Variants in PLEKHG1 observed in about 807,000 individuals in gnomAD.
The protein encoded by PLEKHG1 is pleckstrin homology and RhoGEF domain containing G1, also known as pleckstrin homology domain-containing family G member 1.
PLEKHG1 carries 44 observed loss-of-function variants against 100.8 expected under a neutral mutation model. The ratio of observed to expected loss-of-function variants is 0.44; its 90% confidence interval spans 0.34 to 0.56. The LOEUF (loss-of-function observed/expected upper bound fraction) is 0.56. Ranked by LOEUF, PLEKHG1 falls within the 20% of genes least tolerant of loss-of-function variation. The probability of loss-of-function intolerance (pLI) is 0.01; values close to 1 mark genes in which losing one functional copy is unlikely to be tolerated. For missense variants in PLEKHG1, 1,545 were observed against 1,720.9 expected (o/e 0.90, Z 1.81); for synonymous variants, 640 against 662.5 (o/e 0.97, Z 0.52).
intron 1 of PLEKHG1, among the ~76,000 whole-genome samples, chr6:150,626,275 G>A (rs9480500): frequency 0.016 from 2,463 of 152,236 alleles, 64 homozygotes; most frequent in African/African-American, 0.052. Flanking sequence ...GAGATACTAA[G>A]GCACTGTAGA....
At chr6:150,808,432 T>C (rs868677491) in intron 7 of PLEKHG1, among the ~76,000 whole-genome samples, 9 of 150,734 alleles carry the variant, frequency 6.0e-5, no homozygotes, top group Middle Eastern at 3.4e-3. Flanking sequence ...TTTTTTTTTT[T>C]CCCAGAGAGG....
At chr6:150,690,351 A>C (rs559364556) in intron 3 of PLEKHG1, among the ~76,000 whole-genome samples, 1 of 151,916 alleles carries the variant, frequency 6.6e-6, no homozygotes, top group South Asian at 2.1e-4. Flanking sequence ...GGCCCCACCA[A>C]CATCGTTACT....
Position 150,706,660 on chromosome 6 carries a change from C to T in PLEKHG1, c.-98-26924C>T, listed in dbSNP as rs905214641. ...AAAAACAAAACAGGAACTATGACACCAGTTATCTGTTTGGTTTGGCAGAAT... is the reference window on the plus strand; with the variant it reads ...AAAAACAAAACAGGAACTATGACACTAGTTATCTGTTTGGTTTGGCAGAAT... On this transcript the variant is annotated intron_variant, in intron 3 of 3. Coordinates refer to the PLEKHG1 transcript ENST00000367326. 1.9e-4 allele frequency among the ~76,000 whole-genome samples: 28 copies of T among 151,308 alleles called. 1 individual carries two copies. The highest frequency in any genetic ancestry group is 6.5e-4 in the African/African-American group (27 of 41,306).
chr6:150,706,998 CTTTTT>C (rs71014517), intron 3 of PLEKHG1, among the ~76,000 whole-genome samples: 14 of 51,928 alleles, frequency 2.7e-4, no homozygotes, highest in East Asian at 1.3e-3. Context: ...TTTTCTTTTT[CTTTTT>C]TTTTTTTTTT....
chr6:150,604,350 G>C (rs1032989756), intron 1 of PLEKHG1, among the ~76,000 whole-genome samples: 4 of 152,170 alleles, frequency 2.6e-5, no homozygotes, highest in East Asian at 1.9e-4. Context: ...CTAGGTGAGG[G>C]GATGGCAAGT....
Position 150,779,319 on chromosome 6 carries a change from A to C in PLEKHG1, c.513-7071A>C, listed in dbSNP as rs530455138. Among the ~76,000 whole-genome samples the C allele has an allele frequency of 4.1e-5, 6 of 146,112 alleles. No individual in the cohort carries two copies. In the East Asian group the frequency reaches 8.1e-4, roughly 20 times the overall value. Reference sequence around the variant, plus strand: ...GCAATCCGAACATACAATTTAAAACACAGGGGGTTAAATATTGTCAAGAAG... The same window carrying C: ...GCAATCCGAACATACAATTTAAAACCCAGGGGGTTAAATATTGTCAAGAAG... On this transcript the variant is annotated intron_variant, in intron 3 of 15. Coordinates refer to ENST00000358517, the Ensembl canonical transcript of PLEKHG1.
intron 3 of PLEKHG1, among the ~76,000 whole-genome samples, chr6:150,702,338 C>T (rs1362087847): frequency 1.3e-5 from 2 of 152,090 alleles, no homozygotes; most frequent in Non-Finnish European, 2.9e-5. Flanking sequence ...GGTGTGGTAG[C>T]ACATGCCTGT....
At chr6:150,698,455 G>T (rs1211153535) in intron 3 of PLEKHG1, among the ~76,000 whole-genome samples, 1 of 151,464 alleles carries the variant, frequency 6.6e-6, no homozygotes, top group Non-Finnish European at 1.5e-5. Flanking sequence ...CATATAAAGG[G>T]TTTGACTACC....
intron 2 of PLEKHG1, among the ~76,000 whole-genome samples, chr6:150,758,323 A>G (rs920817982): frequency 6.6e-5 from 9 of 137,020 alleles, no homozygotes; most frequent in Non-Finnish European, 1.2e-4. Flanking sequence ...CCTTGCTAGC[A>G]TCTGTTTCTT....
rs147178828 is a variant in PLEKHG1 at position 150,746,951 on chromosome 6, CTT to C, written c.411+12860_411+12861del. 8.2e-3 allele frequency among the ~76,000 whole-genome samples: 1,249 copies of C among 152,326 alleles called. 18 individuals are homozygous for C. The highest frequency in any genetic ancestry group is 0.029 in the African/African-American group (1,186 of 41,578). On this transcript the variant is annotated intron_variant, in intron 2 of 15. Transcript: ENST00000358517. The stretch of plus-strand genomic sequence containing the variant: ...TAACTGCAAAGTTCCTTTTTATTCT[CTT>C]AGGCTTTGCTTTTAAGGCAACATTT...
chr6:150,639,977 A>G (rs1778184595), intron 2 of PLEKHG1, among the ~76,000 whole-genome samples: 2 of 152,254 alleles, frequency 1.3e-5, no homozygotes, highest in Admixed American at 1.3e-4. Context: ...TTGTAAATGG[A>G]AAAACCCTAA....
intron 3 of PLEKHG1, among the ~76,000 whole-genome samples, chr6:150,781,154 T>C: frequency 7.0e-6 from 1 of 143,526 alleles, no homozygotes; most frequent in Admixed American, 7.1e-5. Context: ...GGATTACAGG[T>C]GTAAGCCACC....
intron 10 of PLEKHG1, among the ~76,000 whole-genome samples, chr6:150,817,803 C>T (rs1776064625): frequency 6.6e-6 from 1 of 152,042 alleles, no homozygotes; most frequent in Non-Finnish European, 1.5e-5. Context: ...TGATTGTGAT[C>T]TGCCCGCCTC....
At chr6:150,656,275 G>A (rs1345226803) in intron 3 of PLEKHG1, among the ~76,000 whole-genome samples, 2 of 151,678 alleles carry the variant, frequency 1.3e-5, no homozygotes, top group Admixed American at 1.3e-4. Flanking sequence ...AAGGATATGA[G>A]TTTAAAAAAA....
At chr6:150,692,142 G>A (rs140030105) in intron 3 of PLEKHG1, among the ~76,000 whole-genome samples, 212 of 152,306 alleles carry the variant, frequency 1.4e-3, no homozygotes, top group African/African-American at 5.0e-3. Context: ...TCAGGCATGA[G>A]TAAAATAAAG....
intron 3 of PLEKHG1, among the ~76,000 whole-genome samples, chr6:150,666,990 C>T (rs1779412557): frequency 6.6e-6 from 1 of 152,084 alleles, no homozygotes; most frequent in African/African-American, 2.4e-5. Flanking sequence ...GATCTCCTGA[C>T]CTCGTGATCC....
At chr6:150,672,064 A>C (rs961825727) in intron 3 of PLEKHG1, among the ~76,000 whole-genome samples, 12 of 152,214 alleles carry the variant, frequency 7.9e-5, no homozygotes, top group African/African-American at 2.9e-4. Context: ...GCTGCAGGCC[A>C]GTCAAGAGCT....
chr6:150,830,776 T>C (rs552268136), exon 15 of PLEKHG1: 2 of 1,614,086 alleles, frequency 1.2e-6, no homozygotes, highest in African/African-American at 2.7e-5. Context: ...ATGAGGATGA[T>C]GAAGATGATT....
chr6:150,799,845 A>T (rs563018876), intron 5 of PLEKHG1, among the ~76,000 whole-genome samples: 100 of 152,304 alleles, frequency 6.6e-4, no homozygotes, highest in African/African-American at 2.3e-3. Flanking sequence ...AAGGGCTGAA[A>T]TTATTTCCAC....
Sources: allele counts gnomAD v4.1 joint callset (sites outside exome capture counted in the v4.1 genomes callset), GRCh38; gene constraint gnomAD v4.1.1; transcripts MANE v1.5; gene names NCBI Gene and HGNC (gene_info 2026-07-23, HGNC 2026-07-21).